CDH23: variants seen among roughly 807,000 people sequenced by gnomAD.
CDH23 encodes the protein cadherin-23.
CDH23 carries 189 observed loss-of-function variants against 317.1 expected under a neutral mutation model. The observed-to-expected ratio is 0.60, with a 90% CI of 0.53 to 0.67. The LOEUF (loss-of-function observed/expected upper bound fraction) is 0.67. Ranked by LOEUF, CDH23 falls within the 30% of genes least tolerant of loss-of-function variation. The pLI, the probability that CDH23 is intolerant of heterozygous loss-of-function variation, is 0.00. For synonymous variants in CDH23, 1,839 were observed against 1,876.8 expected (o/e 0.98, Z 0.52); for missense variants, 4,401 against 4,592.4 (o/e 0.96, Z 1.20).
chr10:71,523,952 C>T (rs543846742), intron 6 of CDH23, among the ~76,000 whole-genome samples: 2 of 152,316 alleles, frequency 1.3e-5, no homozygotes, highest in Non-Finnish European at 2.9e-5. Flanking sequence ...GGCCACAGGG[C>T]CTTTGCACGG....
At chr10:71,468,976 A>AG (rs1652135185) in intron 3 of CDH23, among the ~76,000 whole-genome samples, 1 of 152,072 alleles carries the variant, frequency 6.6e-6, no homozygotes, top group African/African-American at 2.4e-5. Flanking sequence ...TGTGGGCCTG[A>AG]GGGAGGCTCA....
rs776996577 is a variant in CDH23 at position 71,784,304 on chromosome 10, C to A, written c.5386C>A (p.Pro1796Thr). Reference sequence around the variant, plus strand: ...ACACCCAGGGGAGTTTGTGATCTCTCCTGTGGAGGGGGTGCTAAGGGTCCG... The same window carrying A: ...ACACCCAGGGGAGTTTGTGATCTCTACTGTGGAGGGGGTGCTAAGGGTCCG... ...GDPLGEFVISPVEGVLRVRKD... is the reference protein window; with the variant it reads ...GDPLGEFVISTVEGVLRVRKD... Residue 1796 changes from proline (P) to threonine (T), a missense_variant, in exon 42 of 70, where the codon CCT (proline) becomes ACT (threonine). Coordinates refer to ENST00000224721, the MANE Select transcript of CDH23 (RefSeq NM_022124.6). The A allele has an allele frequency of 1.5e-5, 25 of 1,613,654 alleles. No individual in the cohort carries two copies. The highest frequency in any genetic ancestry group is 2.1e-5 in the Non-Finnish European group (25 of 1,179,738).
At chr10:71,448,152 G>T (rs899877785) in intron 3 of CDH23, among the ~76,000 whole-genome samples, 3 of 152,180 alleles carry the variant, frequency 2.0e-5, no homozygotes, top group Non-Finnish European at 4.4e-5. Context: ...TGCATGCCAG[G>T]TTCTGAGCGT....
intron 11 of CDH23, among the ~76,000 whole-genome samples, chr10:71,640,757 A>AAAAAAG (rs1041531918): frequency 3.3e-5 from 5 of 152,178 alleles, no homozygotes; most frequent in African/African-American, 4.8e-5. Flanking sequence ...CTGTCTGAAA[A>AAAAAAG]AAAAAGAAAA....
intron 9 of CDH23, among the ~76,000 whole-genome samples, chr10:71,580,109 G>A (rs923370538): frequency 6.6e-6 from 1 of 152,240 alleles, no homozygotes; most frequent in Non-Finnish European, 1.5e-5. Flanking sequence ...CATGCTGGGT[G>A]CCAGGCTGCC....
At chr10:71,689,128 G>A (rs375336543) in intron 19 of CDH23, among the ~76,000 whole-genome samples, 2,392 of 66,312 alleles carry the variant, frequency 0.036, 3 homozygotes, top group African/African-American at 0.05. Flanking sequence ...GGAGCCAGGG[G>A]TGGTGGAGCC....
Position 71,807,939 on chromosome 10 carries a change from T to C in CDH23, c.8654T>C (p.Ile2885Thr). ...AACAACAGCCTTGTCTTCTACAGCA[T>C]TCTGGCCATCCACTACTTCCGGGCC... ...IGNNSLVFYS[I>T]LAIHYFRALA... The change falls in exon 60 of 70, where the codon ATT (isoleucine) becomes ACT (threonine). Residue 2885 changes from isoleucine (I) to threonine (T), a missense_variant. Coordinates refer to ENST00000224721, the MANE Select transcript of CDH23 (RefSeq NM_022124.6). The C allele has an allele frequency of 1.2e-6, 2 of 1,602,740 alleles. No homozygotes were observed. Among genetic ancestry groups the C allele is most frequent in the Non-Finnish European group, 8.5e-7 (1 of 1,174,558 alleles).
chr10:71,423,514 G>A (rs991249004), intron 1 of CDH23, among the ~76,000 whole-genome samples: 1 of 152,194 alleles, frequency 6.6e-6, no homozygotes, highest in African/African-American at 2.4e-5. Context: ...AGTTTAGGGG[G>A]AGGTTAGCAA....
intron 6 of CDH23, among the ~76,000 whole-genome samples, chr10:71,542,591 C>A (rs1425359365): frequency 1.3e-5 from 2 of 152,224 alleles, no homozygotes; most frequent in Non-Finnish European, 2.9e-5. Context: ...TCTCTCTGGG[C>A]TTTGCAGGGA....
At position 71,543,813 on chromosome 10, in the gene CDH23, C is replaced by G. The variant is rs111932311; in HGVS notation, c.430-22929C>G. Among the ~76,000 whole-genome samples the G allele has an allele frequency of 3.8e-3, 585 of 152,350 alleles. 3 individuals carry two copies. Among genetic ancestry groups the G allele is most frequent in the African/African-American group, 0.011 (469 of 41,570 alleles). On this transcript the variant is annotated intron_variant, in intron 6 of 69. Transcript: ENST00000224721. ...TGTGGGGATGTGGAGGATCCCAGGGCTGCTGGGACCTGTTGCTTCACAGTG... is the reference window on the plus strand; with the variant it reads ...TGTGGGGATGTGGAGGATCCCAGGGGTGCTGGGACCTGTTGCTTCACAGTG...
At position 71,739,953 on chromosome 10, in the gene CDH23, A is replaced by C. The variant is rs189356954; in HGVS notation, c.4488+181A>C. The stretch of plus-strand genomic sequence containing the variant: ...GCCAAGAGCACAGTGAGGCTGACCC[A>C]GGATAGGGAAACCTGGGAGGGACCT... On this transcript the variant is annotated intron_variant, in intron 36 of 69. Transcript: ENST00000224721. 2.0e-5 allele frequency among the ~76,000 whole-genome samples: 3 copies of C among 152,318 alleles called. No individual in the cohort carries two copies. The East Asian group carries it at 5.8e-4, about 29-fold the overall frequency.
At chr10:71,447,133 C>T (rs1265696411) in intron 3 of CDH23, among the ~76,000 whole-genome samples, 4 of 152,180 alleles carry the variant, frequency 2.6e-5, no homozygotes, top group African/African-American at 9.7e-5. Flanking sequence ...GCTTCTTACT[C>T]TCGGGTCTGC....
chr10:71,424,390 C>A (rs1410443751), intron 1 of CDH23, among the ~76,000 whole-genome samples: 2 of 152,238 alleles, frequency 1.3e-5, no homozygotes, highest in Non-Finnish European at 2.9e-5. Flanking sequence ...TAAAAACAAT[C>A]CAAACAGCAT....
intron 9 of CDH23, among the ~76,000 whole-genome samples, chr10:71,579,108 C>T (rs377578401): frequency 9.2e-5 from 14 of 152,252 alleles, no homozygotes; most frequent in African/African-American, 2.4e-4. Context: ...GCTTAGTTAA[C>T]GTATGTAAAG....
intron 6 of CDH23, among the ~76,000 whole-genome samples, chr10:71,534,394 G>C (rs1057305011): frequency 6.6e-6 from 1 of 152,154 alleles, no homozygotes; most frequent in Non-Finnish European, 1.5e-5. Context: ...CTATCACTGC[G>C]GAGAAAAACT....
chr10:71,688,553 AG>A (rs1353700416), intron 19 of CDH23, among the ~76,000 whole-genome samples: 6 of 145,790 alleles, frequency 4.1e-5, no homozygotes, highest in Non-Finnish European at 6.0e-5. Context: ...TGGTGGAGTC[AG>A]GGATGGTGGA....
chr10:71,706,463 G>A (rs1372807794), intron 25 of CDH23, among the ~76,000 whole-genome samples: 2 of 152,084 alleles, frequency 1.3e-5, no homozygotes, highest in African/African-American at 4.8e-5. Flanking sequence ...CCACCTCCTA[G>A]GGTGCTCAGA....
intron 58 of CDH23, 37 bp downstream of exon 58, chr10:71,807,443 G>A (rs1224267134): frequency 6.2e-7 from 1 of 1,612,698 alleles, no homozygotes; most frequent in Non-Finnish European, 8.5e-7. Flanking sequence ...GATTACCCTG[G>A]GGCTAGAGAT....
chr10:71,555,133 T>G (rs1437382088), intron 6 of CDH23, among the ~76,000 whole-genome samples: 2 of 152,166 alleles, frequency 1.3e-5, no homozygotes. Flanking sequence ...AGATTATGAC[T>G]CTAAATAGCT....
Sources: gnomAD v4.1 joint callset for allele counts (sites outside exome capture counted in the v4.1 genomes callset) on GRCh38, gnomAD v4.1.1 for gene constraint, MANE v1.5 for transcripts, NCBI Gene and HGNC (gene_info 2026-07-23, HGNC 2026-07-21) for gene names.